NXPH1: variants seen among roughly 807,000 people sequenced by gnomAD.
NXPH1 encodes the protein neurexophilin 1, also known as neurexophilin-1.
NXPH1 carries 5 observed loss-of-function variants against 23.7 expected under a neutral mutation model. The observed-to-expected ratio is 0.21, with a 90% CI of 0.11 to 0.44. The LOEUF (loss-of-function observed/expected upper bound fraction) is 0.44. NXPH1 is among the 20% of genes least tolerant of loss of function. The pLI is 0.99. For synonymous variants in NXPH1, 144 were observed against 122.2 expected (o/e 1.18, Z -1.18); for missense variants, 324 against 321.6 (o/e 1.01, Z -0.06).
intron 2 of NXPH1, among the ~76,000 whole-genome samples, chr7:8,640,484 C>T (rs1356400361): frequency 6.6e-6 from 1 of 151,578 alleles, no homozygotes; most frequent in African/African-American, 2.4e-5. Flanking sequence ...TTGATCTAGT[C>T]ATACATTTCT....
chr7:8,720,343 G>A (rs571651641), intron 2 of NXPH1, among the ~76,000 whole-genome samples: 26 of 152,166 alleles, frequency 1.7e-4, no homozygotes, highest in Non-Finnish European at 3.4e-4. Flanking sequence ...GCCATCTCTT[G>A]GGGCAGTGGG....
intron 2 of NXPH1, among the ~76,000 whole-genome samples, chr7:8,448,667 A>G (rs1816447993): frequency 6.6e-6 from 1 of 152,018 alleles, no homozygotes; most frequent in South Asian, 2.1e-4. Context: ...AATACAAAAA[A>G]CGAGCCGGGT....
intron 2 of NXPH1, among the ~76,000 whole-genome samples, chr7:8,564,545 G>C (rs1173459107): frequency 6.6e-6 from 1 of 151,744 alleles, no homozygotes; most frequent in African/African-American, 2.4e-5. Context: ...AGGGATCCTG[G>C]CTGCCATCTC....
intron 2 of NXPH1, chr7:8,690,303 C>T (rs921958969): frequency 3.3e-5 from 5 of 152,198 alleles, no homozygotes; most frequent in Admixed American, 2.6e-4. Context: ...AGCAGAAAGT[C>T]TATTAATAAA....
chr7:8,448,067 C>A (rs575978681), intron 2 of NXPH1, among the ~76,000 whole-genome samples: 5 of 152,324 alleles, frequency 3.3e-5, no homozygotes, highest in Admixed American at 1.3e-4. Context: ...TTAAGGGAAG[C>A]AGCATTGTGA....
chr7:8,627,257 A>G (rs1820012462), intron 2 of NXPH1, among the ~76,000 whole-genome samples: 1 of 152,094 alleles, frequency 6.6e-6, no homozygotes, highest in African/African-American at 2.4e-5. Context: ...GCAAGGTAAC[A>G]AGGGAATGCT....
chr7:8,698,151 C>T (rs1779564583), intron 2 of NXPH1, among the ~76,000 whole-genome samples: 1 of 152,158 alleles, frequency 6.6e-6, no homozygotes, highest in Non-Finnish European at 1.5e-5. Flanking sequence ...TACTGGACGT[C>T]TTACAATGTA....
At chr7:8,557,859 A>G (rs1054792523) in intron 2 of NXPH1, among the ~76,000 whole-genome samples, 1 of 151,654 alleles carries the variant, frequency 6.6e-6, no homozygotes, top group African/African-American at 2.4e-5. Flanking sequence ...CAGATTTAGT[A>G]CCATGTAAAG....
intron 2 of NXPH1, among the ~76,000 whole-genome samples, chr7:8,587,364 A>C (rs773976955): frequency 6.6e-6 from 1 of 151,252 alleles, no homozygotes; most frequent in Non-Finnish European, 1.5e-5. Context: ...TGCAGTGGCT[A>C]TTTACTACAG....
intron 2 of NXPH1, among the ~76,000 whole-genome samples, chr7:8,483,686 G>T (rs1019729245): frequency 2.0e-5 from 3 of 152,146 alleles, no homozygotes; most frequent in Non-Finnish European, 4.4e-5. Flanking sequence ...TCATGTCAGA[G>T]TGGGGTGTCC....
intron 2 of NXPH1, among the ~76,000 whole-genome samples, chr7:8,662,286 T>C (rs1820690047): frequency 6.6e-6 from 1 of 152,046 alleles, no homozygotes; most frequent in South Asian, 2.1e-4. Flanking sequence ...CATTGTCATA[T>C]AAATTTGTAA....
intron 2 of NXPH1, among the ~76,000 whole-genome samples, chr7:8,614,695 A>C (rs1319896239): frequency 3.9e-5 from 6 of 152,028 alleles, no homozygotes; most frequent in Non-Finnish European, 8.8e-5. Flanking sequence ...GAAAGATTTA[A>C]ATGATAAAAG....
At chr7:8,452,458 G>C (rs1399433814) in intron 2 of NXPH1, among the ~76,000 whole-genome samples, 1 of 152,084 alleles carries the variant, frequency 6.6e-6, no homozygotes, top group Non-Finnish European at 1.5e-5. Context: ...TTGGTTCCTT[G>C]ATAGGCTAGA....
chr7:8,553,663 A>G (rs963097480), intron 2 of NXPH1, among the ~76,000 whole-genome samples: 1 of 151,546 alleles, frequency 6.6e-6, no homozygotes, highest in Non-Finnish European at 1.5e-5. Flanking sequence ...TATCCACCCA[A>G]TACTGTCTTT....
chr7:8,652,440 A>G (rs996720667), intron 2 of NXPH1, among the ~76,000 whole-genome samples: 1 of 152,092 alleles, frequency 6.6e-6, no homozygotes, highest in South Asian at 2.1e-4. Context: ...ACTTATTTCC[A>G]TATCGATAAA....
At chr7:8,588,256 C>T (rs773404014) in intron 2 of NXPH1, among the ~76,000 whole-genome samples, 1 of 151,968 alleles carries the variant, frequency 6.6e-6, no homozygotes, top group Non-Finnish European at 1.5e-5. Context: ...GGGTATATAC[C>T]CAAAGGGTTA....
intron 2 of NXPH1, among the ~76,000 whole-genome samples, chr7:8,479,909 G>A (rs1195137319): frequency 2.0e-5 from 3 of 152,148 alleles, no homozygotes; most frequent in Non-Finnish European, 4.4e-5. Flanking sequence ...AAGAGAACTA[G>A]TTCGTTGTCT....
chr7:8,714,525 C>T lies in NXPH1; in HGVS notation c.55-36483C>T, dbSNP rs539537358. 1.5e-4 allele frequency among the ~76,000 whole-genome samples: 23 copies of T among 151,878 alleles called. No homozygotes were observed. In the South Asian group the frequency reaches 4.4e-3, roughly 29 times the overall value. ...AGCAGAAGGGGTGTTTCCATAGCCA[C>T]CACAGATGTTAATGTGCTGGGTCAC... On this transcript the variant is annotated intron_variant, in intron 2 of 2. Transcript: ENST00000405863.
At chr7:8,584,761 A>G (rs1014311939) in intron 2 of NXPH1, among the ~76,000 whole-genome samples, 9 of 152,202 alleles carry the variant, frequency 5.9e-5, no homozygotes, top group Non-Finnish European at 8.8e-5. Context: ...TCACCATTTA[A>G]ACATCTAGTA....
Sources: gnomAD v4.1 joint callset for allele counts (sites outside exome capture counted in the v4.1 genomes callset) on GRCh38, gnomAD v4.1.1 for gene constraint, MANE v1.5 for transcripts, NCBI Gene and HGNC (gene_info 2026-07-23, HGNC 2026-07-21) for gene names.